The following GPRC5B variants were observed in gnomAD, a reference collection of about 807,000 sequenced individuals.
GPRC5B encodes the protein G protein-coupled receptor family C group 5 member B.
A neutral mutation model predicts 30.1 loss-of-function variants in GPRC5B; 16 were observed. That is an observed-to-expected ratio of 0.53 (90% CI 0.36 to 0.81). GPRC5B has a LOEUF of 0.81. GPRC5B is among the 30% of genes least tolerant of loss of function. The pLI is 0.01. For missense variants in GPRC5B, 428 were observed against 544.7 expected, an observed-to-expected ratio of 0.79 and a Z score of 2.13; for synonymous variants, 241 against 239.5, an observed-to-expected ratio of 1.01 and a Z score of -0.06.
In GPRC5B at chr16:19,883,810, C is replaced by A. The variant is rs1367808406; in HGVS notation, c.-2+917G>T. On this transcript the variant is annotated intron_variant, in intron 1 of 3. Transcript: ENST00000300571. ...GACAGAGCAAGGACGGAGGAGTGAA[C>A]CCGCTGCACGGGGGAGATTTCTGGG... 2.6e-5 allele frequency among the ~76,000 whole-genome samples: 4 copies of A among 152,252 alleles called. No individual in the cohort carries two copies. The East Asian group carries it at 5.8e-4, about 22-fold the overall frequency.
At chr16:19,863,856 T>C (rs545093814) in intron 2 of GPRC5B, among the ~76,000 whole-genome samples, 1 of 152,098 alleles carries the variant, frequency 6.6e-6, no homozygotes, top group East Asian at 1.9e-4. Context: ...ATGTGAGGGA[T>C]CTAGGTTGCA....
intron 1 of GPRC5B, among the ~76,000 whole-genome samples, chr16:19,877,973 C>T (rs1436163762): frequency 6.6e-6 from 1 of 151,900 alleles, no homozygotes; most frequent in East Asian, 2.0e-4. Flanking sequence ...CCGAGGCAGG[C>T]AGATCATTTA....
chr16:19,875,350 G>A (rs924069669), intron 1 of GPRC5B, among the ~76,000 whole-genome samples: 4 of 152,198 alleles, frequency 2.6e-5, no homozygotes, highest in African/African-American at 4.8e-5. Context: ...CTGCCACGTC[G>A]GTCACTGACG....
upstream of GPRC5B, chr16:19,885,492 G>A (rs969518902): frequency 5.3e-6 from 6 of 1,132,654 alleles, no homozygotes; most frequent in Non-Finnish European, 1.1e-6. The surrounding 1 kb of genome is among the most constrained non-coding windows in gnomAD (Gnocchi z 5.3). Context: ...CGCACACTGG[G>A]ACCAACACCC....
intron 2 of GPRC5B, among the ~76,000 whole-genome samples, chr16:19,867,974 G>A (rs2141142224): frequency 6.6e-6 from 1 of 152,316 alleles, no homozygotes; most frequent in African/African-American, 2.4e-5. Context: ...GGCTGAGGCA[G>A]GAGAATCGCT....
chr16:19,861,593 G>C (rs9940162), intron 3 of GPRC5B, among the ~76,000 whole-genome samples: 1 of 152,118 alleles, frequency 6.6e-6, no homozygotes, highest in African/African-American at 2.4e-5. Context: ...ACAGCCTCAA[G>C]GATTACAAAC....
upstream of GPRC5B, chr16:19,885,479 T>C: frequency 8.8e-7 from 1 of 1,135,894 alleles, no homozygotes. The surrounding 1 kb of genome is among the most constrained non-coding windows in gnomAD (Gnocchi z 5.3). Context: ...CGTTGTCCGT[T>C]TACGCACACT....
upstream of GPRC5B, chr16:19,885,296 G>C: frequency 7.9e-7 from 1 of 1,268,220 alleles, no homozygotes; most frequent in Non-Finnish European, 1.0e-6. This position sits in a 1 kb window ranked among gnomAD's most constrained non-coding sequence, Gnocchi z 5.3. Context: ...TAACTTCCCC[G>C]AAACACACCA....
At chr16:19,863,041 A>G (rs750004906) in intron 2 of GPRC5B, among the ~76,000 whole-genome samples, 1 of 152,190 alleles carries the variant, frequency 6.6e-6, no homozygotes, top group Non-Finnish European at 1.5e-5. Flanking sequence ...TTATACAGTT[A>G]AGCTTCACAG....
intron 2 of GPRC5B, among the ~76,000 whole-genome samples, chr16:19,867,076 G>A (rs2056673740): frequency 6.6e-6 from 1 of 152,204 alleles, no homozygotes; most frequent in African/African-American, 2.4e-5. Flanking sequence ...GCCTATGCTT[G>A]AACAAGTTGC....
chr16:19,861,806 T>C, intron 3 of GPRC5B, 31 bp downstream of exon 3: 2 of 1,603,954 alleles, frequency 1.2e-6, no homozygotes, highest in Non-Finnish European at 1.7e-6. Flanking sequence ...CTCCTAGGCT[T>C]CCTACCCCCA....
Position 19,857,342 on chromosome 16 carries a change from A to C in GPRC5B, c.*3158T>G, listed in dbSNP as rs2056574436. On this transcript the variant is annotated 3_prime_UTR_variant, in exon 4 of 4. Coordinates refer to ENST00000300571, the MANE Select transcript of GPRC5B (RefSeq NM_016235.3). ...TTTTTGTGTTAAGAACAGCATTTTG[A>C]AAATAAAACCTATCTGCCCATGGTT... The C allele has an allele frequency of 2.3e-5, 9 of 389,552 alleles. No individual in the cohort carries two copies. Among genetic ancestry groups the C allele is most frequent in the South Asian group, 1.7e-4 (9 of 53,126 alleles). The allele number at this position is 389,552 out of a possible 1,614,324, so 24.1% of individuals were successfully genotyped here. A position where few individuals can be genotyped will look rare whatever the true frequency, so the allele number is the denominator to read the frequency against.
Position 19,872,056 on chromosome 16 carries a change from C to T in GPRC5B, c.790G>A (p.Gly264Arg), listed in dbSNP as rs1297135567. 6.2e-7 allele frequency: 1 copy of T among 1,614,054 alleles called. No homozygotes were observed. The highest frequency in any genetic ancestry group is 1.1e-5 in the South Asian group (1 of 91,072). Residue 264 changes from glycine (G) to arginine (R), a missense_variant, in exon 2 of 4, where the codon GGG (glycine) becomes AGG (arginine). Around this residue, in one of 3 missense-constraint regions of GPRC5B, gnomAD observed 213 missense variants for 229.1 expected, o/e 0.93. Transcript: ENST00000300571. The surrounding 1 kb of genome is among the most constrained non-coding windows in gnomAD (Gnocchi z 5.0). ...YLFGNVKLQQ[G>R]DAWNDPTLAI... ...AAGGTGGGGTCGTTCCAGGCATCCC[C>T]CTGCTGCAGCTTGACATTGCCGAAG...
At chr16:19,864,485 G>A (rs2056651224) in intron 2 of GPRC5B, among the ~76,000 whole-genome samples, 1 of 152,260 alleles carries the variant, frequency 6.6e-6, no homozygotes, top group Non-Finnish European at 1.5e-5. Context: ...GCAGGTGGGT[G>A]AAGTTGTATC....
At chr16:19,870,401 GTA>G (rs1294749591) in intron 2 of GPRC5B, among the ~76,000 whole-genome samples, 1 of 152,150 alleles carries the variant, frequency 6.6e-6, no homozygotes, top group Non-Finnish European at 1.5e-5. Context: ...AACATACCAG[GTA>G]CCAAGAGGGC....
intron 2 of GPRC5B, 78 bp from the exon 3 acceptor site, chr16:19,862,051 C>T (rs1292101571): frequency 9.3e-6 from 13 of 1,401,476 alleles, no homozygotes; most frequent in African/African-American, 4.2e-5. Flanking sequence ...GCAACAACAG[C>T]GCGCTCCGGG....
chr16:19,872,185 T>G lies in GPRC5B; in HGVS notation c.661A>C (p.Thr221Pro). The G allele has an allele frequency of 1.2e-6, 2 of 1,613,192 alleles. No individual in the cohort carries two copies. ...LVVTLGLALF[T>P]LCGKFKRWKL... ...CACCTCTTGAACTTGCCGCACAGAG[T>G]GAAGAGGGCCAGCCCCAGGGTGACC... is the stretch of plus-strand genomic sequence containing the variant. Residue 221 changes from threonine (T) to proline (P), a missense_variant, in exon 2 of 4, where the codon ACT (threonine) becomes CCT (proline). By Grantham distance (38) the Thr-to-Pro change is conservative. Coordinates refer to ENST00000300571, the MANE Select transcript of GPRC5B (RefSeq NM_016235.3). This position sits in a 1 kb window ranked among gnomAD's most constrained non-coding sequence, Gnocchi z 5.0.
At position 19,884,719 on chromosome 16, in the gene GPRC5B, G is replaced by T. The variant is rs1458607278; in HGVS notation, c.-2+8C>A. 1 of 984,980 alleles carries T rather than the reference G, an allele frequency of 1.0e-6. No homozygotes were observed. Among genetic ancestry groups the T allele is most frequent in the Non-Finnish European group, 1.2e-6 (1 of 829,816 alleles). 61.0% of individuals were successfully genotyped at this position (984,980 alleles called of 1,614,324 possible). A position where few individuals can be genotyped will look rare whatever the true frequency, so the allele number is the denominator to read the frequency against. On this transcript the variant is annotated splice_region_variant and intron_variant, in intron 1 of 3. Transcript: ENST00000300571. ...GTCCTCCACTGCATCGGCGCAGCTC[G>T]CACTTACCGACCCCCGCGGCCCCGC...
rs1022598105 is a variant in GPRC5B, at chr16:19,860,677, G to C, written c.1168-133C>G. Reference sequence around the variant, plus strand: ...CCTAGATGGGTCGAATAATTCCCAGGAGAGGCAGCAATGACTGTGAGTCAT... The same window carrying C: ...CCTAGATGGGTCGAATAATTCCCAGCAGAGGCAGCAATGACTGTGAGTCAT... On this transcript the variant is annotated intron_variant, in intron 3 of 3. Transcript: ENST00000300571. 6.7e-6 allele frequency: 4 copies of C among 600,600 alleles called. No individual in the cohort carries two copies. The Admixed American group carries it at 1.2e-4, about 18-fold the overall frequency. 37.2% of individuals were successfully genotyped at this position (600,600 alleles called of 1,614,324 possible). A position where few individuals can be genotyped will look rare whatever the true frequency, so the allele number is the denominator to read the frequency against.
Sources: gnomAD v4.1 joint callset for allele counts (sites outside exome capture counted in the v4.1 genomes callset) on GRCh38, gnomAD v4.1.1 for gene constraint, gnomAD v4.1.1 regional missense constraint, Gnocchi (gnomAD v3.1) non-coding constraint, MANE v1.5 for transcripts, NCBI Gene and HGNC (gene_info 2026-07-23, HGNC 2026-07-21) for gene names.